The following USP15 variants were observed in gnomAD, a reference collection of about 807,000 sequenced individuals.
USP15 encodes the protein ubiquitin carboxyl-terminal hydrolase 15.
Under a neutral mutation model 127.1 loss-of-function variants are expected in USP15, and 18 were observed. The ratio of observed to expected loss-of-function variants is 0.14; its 90% CI spans 0.10 to 0.21. The LOEUF (loss-of-function observed/expected upper bound fraction) is 0.21, where lower values mean the gene tolerates loss of function less well. Among genes scored for constraint, USP15 ranks in the 10% least tolerant of loss-of-function variants. The pLI, the probability that USP15 is intolerant of heterozygous loss-of-function variation, is 1.00. For synonymous variants in USP15, 364 were observed against 393.7 expected (o/e 0.92, Z 0.89); for missense variants, 805 against 1,159.9 (o/e 0.69, Z 4.44).
rs1444239393 is a variant in USP15, at chr12:62,412,531, A to C, written c.*8156A>C. 6.2e-6 allele frequency: 1 copy of C among 162,322 alleles called. No homozygotes were observed. The highest frequency in any genetic ancestry group is 2.4e-5 in the African/African-American group (1 of 41,656). The allele number at this position is 162,322 out of a possible 1,614,324, so 10.1% of individuals were successfully genotyped here. On this transcript the variant is annotated 3_prime_UTR_variant, in exon 22 of 22. Coordinates refer to ENST00000280377, the MANE Select transcript of USP15 (RefSeq NM_001252078.2). ...AAGCCCCGCCACTGCTTCATCAACTAAGTTTATGGAATATTCTAAATCCTT... is the reference window on the plus strand; with the variant it reads ...AAGCCCCGCCACTGCTTCATCAACTCAGTTTATGGAATATTCTAAATCCTT...
At chr12:62,381,113 AC>A (rs1221369407) in intron 8 of USP15, among the ~76,000 whole-genome samples, 1 of 152,072 alleles carries the variant, frequency 6.6e-6, no homozygotes, top group Non-Finnish European at 1.5e-5. Context: ...CTCAGTTTTT[AC>A]CTACTCAGGC....
chr12:62,414,270 AAAAAAC>A lies in USP15; in HGVS notation c.*9904_*9909del, dbSNP rs1239025489. On this transcript the variant is annotated 3_prime_UTR_variant, in exon 22 of 22. Transcript: ENST00000280377. ...AGGCTTGCCACAAGCCTTGTTTGTAAAAAAACAAAAACAATTATCTTCAAAGCATGA... is the reference window on the plus strand; with the variant it reads ...AGGCTTGCCACAAGCCTTGTTTGTAAAAAAACAATTATCTTCAAAGCATGA... The A allele has an allele frequency of 1.3e-5, 2 of 152,240 alleles. No homozygotes were observed. Among genetic ancestry groups the A allele is most frequent in the African/African-American group, 4.8e-5 (2 of 41,458 alleles). 9.4% of individuals were successfully genotyped at this position (152,240 alleles called of 1,614,324 possible).
intron 1 of USP15, among the ~76,000 whole-genome samples, chr12:62,268,995 CGTATA>C (rs2063272613): frequency 7.1e-6 from 1 of 141,612 alleles, no homozygotes; most frequent in Non-Finnish European, 1.6e-5. Flanking sequence ...TAAATGGAAT[CGTATA>C]GTATGTGCGA....
At chr12:62,348,333 A>C (rs2137417085) in intron 6 of USP15, among the ~76,000 whole-genome samples, 1 of 152,354 alleles carries the variant, frequency 6.6e-6, no homozygotes, top group African/African-American at 2.4e-5. Flanking sequence ...CAAATCACCT[A>C]AAAGCAAATT....
intron 1 of USP15, among the ~76,000 whole-genome samples, chr12:62,274,960 G>A (rs2137066445): frequency 6.6e-6 from 1 of 152,264 alleles, no homozygotes; most frequent in South Asian, 2.1e-4. Flanking sequence ...AAATAGTGTG[G>A]AAGGGGAGCT....
Position 62,405,155 on chromosome 12 carries a change from G to A in USP15, c.*780G>A, listed in dbSNP as rs577297915. On this transcript the variant is annotated 3_prime_UTR_variant, in exon 22 of 22. Transcript: ENST00000280377. Reference sequence around the variant, plus strand: ...GCTTTAAAATGCATATCTTTAATTGGGTGTTGGTCCAAAATTAAAATTTTT... The same window carrying A: ...GCTTTAAAATGCATATCTTTAATTGAGTGTTGGTCCAAAATTAAAATTTTT... The A allele has an allele frequency of 6.6e-5, 10 of 151,948 alleles. No individual in the cohort carries two copies. The South Asian group carries it at 2.1e-3, about 32-fold the overall frequency. The allele number at this position is 151,948 out of a possible 1,614,324, so 9.4% of individuals were successfully genotyped here.
rs150984776 is a variant in USP15, at chr12:62,399,519, T to A, written c.2675-1668T>A. ...GAAGCAAGAAATTTAAACGCTTTCT[T>A]CTAGATTGTTTTCTCATTTCTGCCT... On this transcript the variant is annotated intron_variant, in intron 20 of 21. Transcript: ENST00000280377. 5.9e-5 allele frequency among the ~76,000 whole-genome samples: 9 copies of A among 152,284 alleles called. No homozygotes were observed. In the East Asian group the frequency reaches 1.7e-3, roughly 29 times the overall value.
intron 6 of USP15, among the ~76,000 whole-genome samples, chr12:62,346,161 A>T (rs1291138827): frequency 6.6e-6 from 1 of 152,244 alleles, no homozygotes; most frequent in Non-Finnish European, 1.5e-5. Flanking sequence ...GACAGCCATG[A>T]TACTTCAGTT....
At chr12:62,353,394 T>C (rs2066019934) in intron 7 of USP15, among the ~76,000 whole-genome samples, 1 of 152,046 alleles carries the variant, frequency 6.6e-6, no homozygotes, top group Non-Finnish European at 1.5e-5. Flanking sequence ...TCCCTTTGTG[T>C]TACACGTGGG....
At chr12:62,342,606 G>A (rs914739750) in intron 6 of USP15, among the ~76,000 whole-genome samples, 1 of 152,110 alleles carries the variant, frequency 6.6e-6, no homozygotes, top group Non-Finnish European at 1.5e-5. Flanking sequence ...GGGTCTTTTT[G>A]TTGATGTTGT....
chr12:62,384,408 A>G, intron 11 of USP15, 106 bp downstream of exon 11: 1 of 843,084 alleles, frequency 1.2e-6, no homozygotes, highest in South Asian at 1.9e-5. Flanking sequence ...TAAGTATTGA[A>G]TTATCAAGCC....
In USP15 at chr12:62,416,341, C is replaced by G. The variant is rs1269092403; in HGVS notation, c.*11966C>G. 1 of 152,138 alleles carries G rather than the reference C, an allele frequency of 6.6e-6. No homozygotes were observed. Among genetic ancestry groups the G allele is most frequent in the East Asian group, 1.9e-4 (1 of 5,200 alleles). The allele number at this position is 152,138 out of a possible 1,614,324, so 9.4% of individuals were successfully genotyped here. A position where few individuals can be genotyped will look rare whatever the true frequency, so the allele number is the denominator to read the frequency against. On this transcript the variant is annotated 3_prime_UTR_variant, in exon 22 of 22. Coordinates refer to ENST00000280377, the MANE Select transcript of USP15 (RefSeq NM_001252078.2). Reference sequence around the variant, plus strand: ...AGATGTTAAGATGGTGTATGTGTGGCATAGTATTTGTTCCTAAATGTAAAA... The same window carrying G: ...AGATGTTAAGATGGTGTATGTGTGGGATAGTATTTGTTCCTAAATGTAAAA...
intron 1 of USP15, among the ~76,000 whole-genome samples, chr12:62,286,981 G>A (rs1489859224): frequency 1.3e-5 from 2 of 151,588 alleles, no homozygotes; most frequent in African/African-American, 4.9e-5. Flanking sequence ...GCAATACTGT[G>A]CAGCTATCAA....
intron 8 of USP15, among the ~76,000 whole-genome samples, chr12:62,369,668 G>A (rs1000203684): frequency 2.0e-5 from 3 of 152,016 alleles, no homozygotes; most frequent in Non-Finnish European, 4.4e-5. Context: ...TATTTGATAC[G>A]TAATTGAGGC....
intron 4 of USP15, among the ~76,000 whole-genome samples, chr12:62,319,212 A>G (rs1459334109): frequency 6.6e-6 from 1 of 152,134 alleles, no homozygotes; most frequent in African/African-American, 2.4e-5. Context: ...AGTGCTACAC[A>G]CTTTCAAACA....
chr12:62,400,628 A>G (rs567036061), intron 20 of USP15, among the ~76,000 whole-genome samples: 64 of 151,592 alleles, frequency 4.2e-4, no homozygotes, highest in African/African-American at 1.5e-3. Context: ...AAAAAAAAAA[A>G]CACTATAGCA....
At chr12:62,306,094 T>A (rs966407173) in intron 3 of USP15, 3 of 152,160 alleles carry the variant, frequency 2.0e-5, no homozygotes, top group Non-Finnish European at 4.4e-5. Flanking sequence ...TTAGTTCTAG[T>A]TTAGCTTTCA....
chr12:62,364,359 A>T (rs1406699794), intron 8 of USP15, among the ~76,000 whole-genome samples: 1 of 152,196 alleles, frequency 6.6e-6, no homozygotes, highest in Admixed American at 6.6e-5. Context: ...GAGATCATCA[A>T]TTCAGAATAG....
At chr12:62,336,089 A>G (rs1335995940) in intron 6 of USP15, 3 of 985,272 alleles carry the variant, frequency 3.0e-6, no homozygotes, top group African/African-American at 3.5e-5. Flanking sequence ...CAGCAGCTCT[A>G]CTCAGACCTT....
Sources: gnomAD v4.1 joint callset for allele counts (sites outside exome capture counted in the v4.1 genomes callset) on GRCh38, gnomAD v4.1.1 for gene constraint, MANE v1.5 for transcripts, NCBI Gene and HGNC (gene_info 2026-07-23, HGNC 2026-07-21) for gene names.